Variants in KCNIP1 observed in about 807,000 individuals in gnomAD.
The protein encoded by KCNIP1 is potassium voltage-gated channel interacting protein 1, also known as A-type potassium channel modulatory protein KCNIP1.
A neutral mutation model predicts 33.0 loss-of-function variants in KCNIP1; 18 were observed. That is an observed-to-expected ratio of 0.55 (90% CI 0.38 to 0.81). The LOEUF (loss-of-function observed/expected upper bound fraction) is 0.81. Among genes scored for constraint, KCNIP1 ranks in the 30% least tolerant of loss-of-function variants. KCNIP1 has a pLI of 0.00. For missense variants in KCNIP1, 238 were observed against 271.6 expected, an observed-to-expected ratio of 0.88 and a Z score of 0.87; for synonymous variants, 93 against 98.3, an observed-to-expected ratio of 0.95 and a Z score of 0.32.
At chr5:170,390,713 C>T (rs13358997) in intron 1 of KCNIP1, among the ~76,000 whole-genome samples, 4,103 of 151,518 alleles carry the variant, frequency 0.027, 191 homozygotes, top group African/African-American at 0.094. Flanking sequence ...GAACTAGATT[C>T]GAAGCTGGCC....
rs533085184 is a variant in KCNIP1 at position 170,358,761 on chromosome 5, G to A, written c.88+4797G>A. Among the ~76,000 whole-genome samples, 686 of 152,250 alleles carry A rather than the reference G, an allele frequency of 4.5e-3. 4 individuals are homozygous for A. Among genetic ancestry groups the A allele is most frequent in the Non-Finnish European group, 6.4e-3 (438 of 68,008 alleles). On this transcript the variant is annotated intron_variant, in intron 1 of 7. Transcript: ENST00000377360. Reference sequence around the variant, plus strand: ...TTTCTAGTCTTGATCCTGGAGGTAGGGATTGCAATCACCATTTCAGCAGGT... The same window carrying A: ...TTTCTAGTCTTGATCCTGGAGGTAGAGATTGCAATCACCATTTCAGCAGGT...
chr5:170,457,494 C>T lies in KCNIP1; in HGVS notation c.88+103530C>T, dbSNP rs1325224802. 3.3e-5 allele frequency among the ~76,000 whole-genome samples: 5 copies of T among 152,200 alleles called. No individual in the cohort carries two copies. In the East Asian group the frequency reaches 9.6e-4, roughly 29 times the overall value. On this transcript the variant is annotated intron_variant, in intron 1 of 7. Transcript: ENST00000377360. Reference sequence around the variant, plus strand: ...TGTGCTGGTATCTGTGGCTGAGAAACCCACAGATGGTTTGCATCACAGGAC... The same window carrying T: ...TGTGCTGGTATCTGTGGCTGAGAAATCCACAGATGGTTTGCATCACAGGAC...
intron 1 of KCNIP1, among the ~76,000 whole-genome samples, chr5:170,517,825 G>T (rs1260479700): frequency 7.1e-6 from 1 of 140,532 alleles, no homozygotes; most frequent in African/African-American, 2.6e-5. Context: ...TGGTTATGGA[G>T]GTGGTGATGG....
At chr5:170,560,196 G>A (rs1010967086) in intron 1 of KCNIP1, among the ~76,000 whole-genome samples, 11 of 152,124 alleles carry the variant, frequency 7.2e-5, no homozygotes, top group African/African-American at 2.7e-4. Context: ...CTGTCTTCCA[G>A]CTCCTCCTCT....
intron 1 of KCNIP1, among the ~76,000 whole-genome samples, chr5:170,651,382 T>A (rs189003909): frequency 6.6e-6 from 1 of 152,220 alleles, no homozygotes; most frequent in African/African-American, 2.4e-5. Context: ...CCCTGTGGGT[T>A]TTTCCTTCTC....
intron 1 of KCNIP1, among the ~76,000 whole-genome samples, chr5:170,677,001 A>C (rs866077972): frequency 3.3e-4 from 51 of 152,308 alleles, no homozygotes; most frequent in African/African-American, 1.2e-3. Context: ...CCCCTACCTG[A>C]AGTAACACTC....
rs183493468 is a variant in KCNIP1, at chr5:170,489,540, C to T, written c.88+135576C>T. On this transcript the variant is annotated intron_variant, in intron 1 of 7. Transcript: ENST00000377360. This position sits in a 1 kb window ranked among gnomAD's most constrained non-coding sequence, Gnocchi z 4.3. ...CTTCTCTTGGTCCCCTGCCTCCTCC[C>T]ACTGGTGTGCACCCACACCTTCAGA... Among the ~76,000 whole-genome samples, 1 of 152,334 alleles carries T rather than the reference C, an allele frequency of 6.6e-6. No individual in the cohort carries two copies. Among genetic ancestry groups the T allele is most frequent in the Non-Finnish European group, 1.5e-5 (1 of 68,038 alleles).
chr5:170,499,615 C>A (rs1757374035), upstream of KCNIP1, among the ~76,000 whole-genome samples: 1 of 152,096 alleles, frequency 6.6e-6, no homozygotes, highest in East Asian at 1.9e-4. Context: ...TACCTCTGTG[C>A]CTGGAAGGAA....
At chr5:170,619,162 C>G (rs1287982876) in intron 1 of KCNIP1, among the ~76,000 whole-genome samples, 2 of 152,222 alleles carry the variant, frequency 1.3e-5, no homozygotes, top group Non-Finnish European at 2.9e-5. Flanking sequence ...GAAAGAATCA[C>G]TTAATAGTTT....
intron 1 of KCNIP1, among the ~76,000 whole-genome samples, chr5:170,531,995 C>T (rs760200568): frequency 2.6e-5 from 4 of 152,352 alleles, no homozygotes; most frequent in Admixed American, 6.5e-5. Flanking sequence ...CACACCTTTG[C>T]GTAGGCAGCT....
chr5:170,495,072 A>C (rs988521873), intron 1 of KCNIP1, among the ~76,000 whole-genome samples: 2 of 151,930 alleles, frequency 1.3e-5, no homozygotes, highest in African/African-American at 4.8e-5. Context: ...CTTAATTTCT[A>C]CTCCAAGTTC....
At position 170,616,895 on chromosome 5, in the gene KCNIP1, CT is replaced by C. The variant is rs1415023935; in HGVS notation, c.62-101861del. On this transcript the variant is annotated intron_variant, in intron 1 of 7. Transcript: ENST00000328939. ...GATTGAATGTCCTCTGGAATTCAGC[CT>C]TCCTGGATGTCCCTGAGCTGGGCTA... Among the ~76,000 whole-genome samples the C allele has an allele frequency of 3.9e-5, 6 of 152,098 alleles. No homozygotes were observed. The South Asian group carries it at 1.2e-3, about 32-fold the overall frequency.
chr5:170,359,766 A>T (rs1048385761), intron 1 of KCNIP1, among the ~76,000 whole-genome samples: 12 of 152,126 alleles, frequency 7.9e-5, no homozygotes, highest in Non-Finnish European at 7.4e-5. Flanking sequence ...CCTCTGCAGC[A>T]GGCCCAGCAT....
At chr5:170,705,974 A>G (rs546744720) in intron 1 of KCNIP1, among the ~76,000 whole-genome samples, 1 of 152,220 alleles carries the variant, frequency 6.6e-6, no homozygotes, top group Admixed American at 6.5e-5. Context: ...CAAGGTGGGT[A>G]TGATTCTAGC....
At chr5:170,625,254 GT>G (rs1465854225) in intron 1 of KCNIP1, among the ~76,000 whole-genome samples, 3 of 152,118 alleles carry the variant, frequency 2.0e-5, no homozygotes, top group Non-Finnish European at 4.4e-5. Flanking sequence ...GTGCACACGT[GT>G]GCAGCTACCT....
chr5:170,694,153 A>G (rs905461398), intron 1 of KCNIP1, among the ~76,000 whole-genome samples: 8 of 152,228 alleles, frequency 5.3e-5, no homozygotes, highest in Non-Finnish European at 1.0e-4. Flanking sequence ...CCACTTTTTC[A>G]GAAGTAATTA....
At chr5:170,623,000 G>C (rs1319152405) in intron 1 of KCNIP1, among the ~76,000 whole-genome samples, 1 of 152,238 alleles carries the variant, frequency 6.6e-6, no homozygotes, top group Non-Finnish European at 1.5e-5. Flanking sequence ...ATTAGCATTA[G>C]TTAGATTCTC....
At chr5:170,700,576 AT>A (rs769390880) in intron 1 of KCNIP1, among the ~76,000 whole-genome samples, 6 of 152,132 alleles carry the variant, frequency 3.9e-5, no homozygotes, top group South Asian at 2.1e-4. Context: ...CTCAAAAAAA[AT>A]ATTATTCATT....
In KCNIP1 at chr5:170,601,801, A is replaced by G. The variant is rs188371842; in HGVS notation, c.61+97168A>G. 1.3e-3 allele frequency among the ~76,000 whole-genome samples: 204 copies of G among 152,334 alleles called. 1 individual carries two copies. The highest frequency in any genetic ancestry group is 4.7e-3 in the African/African-American group (195 of 41,586). On this transcript the variant is annotated intron_variant, in intron 1 of 7. Coordinates refer to ENST00000328939, the MANE Select transcript of KCNIP1 (RefSeq NM_014592.4). ...TTGCACTGTAACGGAGGCATCGAGC[A>G]TGGTAAGGGACTGGCGGTGGCTGCT...
Sources: gnomAD v4.1 joint callset for allele counts (sites outside exome capture counted in the v4.1 genomes callset) on GRCh38, gnomAD v4.1.1 for gene constraint, Gnocchi (gnomAD v3.1) non-coding constraint, MANE v1.5 for transcripts, NCBI Gene and HGNC (gene_info 2026-07-23, HGNC 2026-07-21) for gene names.